DNAJB13: variants seen among roughly 807,000 people sequenced by gnomAD.
The protein encoded by DNAJB13 is dnaJ homolog subfamily B member 13.
DNAJB13 carries 22 observed loss-of-function variants against 35.6 expected under a neutral mutation model. That is an observed-to-expected ratio of 0.62 (90% CI 0.44 to 0.88). The LOEUF (loss-of-function observed/expected upper bound fraction) is 0.88, where lower values mean the gene tolerates loss of function less well. Ranked by LOEUF, DNAJB13 falls within the 40% of genes least tolerant of loss-of-function variation. The pLI is 0.00. For synonymous variants in DNAJB13, 136 were observed against 144.2 expected, an observed-to-expected ratio of 0.94 and a Z score of 0.41; for missense variants, 370 against 384.3, an observed-to-expected ratio of 0.96 and a Z score of 0.31.
intron 2 of DNAJB13, among the ~76,000 whole-genome samples, 154 bp downstream of exon 2, chr11:73,958,574 C>T (rs941208498): frequency 3.3e-5 from 5 of 152,208 alleles, no homozygotes; most frequent in African/African-American, 9.7e-5. Flanking sequence ...ACGGACCCGC[C>T]TTTCTCAGTA....
chr11:73,959,594 C>G lies in DNAJB13; in HGVS notation c.273C>G (p.Val91=). The change falls in exon 3 of 8, where the codon GTC becomes GTG. Residue 91 remains valine, a synonymous_variant. Transcript: ENST00000339764. ...AGACCCCATGGACAACTGGTTACGT[C>G]TTCCATGGCAAACCTGAAAAGGTGT... ...GSQTPWTTGY[V]FHGKPEKVFH... is the part of the protein sequence containing the mutation. 6.2e-7 allele frequency: 1 copy of G among 1,614,204 alleles called. No homozygotes were observed. Among genetic ancestry groups the G allele is most frequent in the Non-Finnish European group, 8.5e-7 (1 of 1,180,034 alleles).
At chr11:73,962,599 C>T (rs1950965578) in intron 3 of DNAJB13, among the ~76,000 whole-genome samples, 1 of 152,160 alleles carries the variant, frequency 6.6e-6, no homozygotes. Context: ...AAAAGACCTT[C>T]ACACCTGACT....
chr11:73,951,895 C>G (rs1950595444), intron 1 of DNAJB13, among the ~76,000 whole-genome samples: 4 of 152,192 alleles, frequency 2.6e-5, no homozygotes, highest in Admixed American at 2.6e-4. Flanking sequence ...ATCCACCCGC[C>G]TCAGCCTTCC....
intron 1 of DNAJB13, 143 bp from the exon 2 acceptor site, chr11:73,958,174 T>G: frequency 1.3e-6 from 1 of 756,158 alleles, no homozygotes; most frequent in Non-Finnish European, 2.2e-6. Flanking sequence ...AGCTGAGCAG[T>G]GCACCTCCGC....
At chr11:73,958,632 C>G (rs552505276) in intron 2 of DNAJB13, among the ~76,000 whole-genome samples, 10 of 152,362 alleles carry the variant, frequency 6.6e-5, no homozygotes, top group Admixed American at 4.6e-4. Flanking sequence ...CAGGATTACA[C>G]TGACTCGCTC....
chr11:73,962,084 T>A (rs898453324), intron 3 of DNAJB13, among the ~76,000 whole-genome samples: 1 of 152,204 alleles, frequency 6.6e-6, no homozygotes, highest in African/African-American at 2.4e-5. Context: ...TGAGCCACCA[T>A]GCCAGGTCTA....
intron 3 of DNAJB13, chr11:73,964,592 G>A (rs375830309): frequency 1.6e-5 from 6 of 367,020 alleles, no homozygotes; most frequent in South Asian, 1.2e-4. Flanking sequence ...GGGCGGGGTG[G>A]GGGGGGAATG....
chr11:73,958,488 T>C (rs1717346463), intron 2 of DNAJB13, 68 bp downstream of exon 2: 2 of 1,417,706 alleles, frequency 1.4e-6, no homozygotes. Context: ...GACTGTTGGG[T>C]TTTCTGAGGG....
At chr11:73,958,689 C>T (rs1950832086) in intron 2 of DNAJB13, among the ~76,000 whole-genome samples, 1 of 152,218 alleles carries the variant, frequency 6.6e-6, no homozygotes, top group Non-Finnish European at 1.5e-5. Context: ...CCACGCATCC[C>T]TATGCCCTGC....
intron 1 of DNAJB13, among the ~76,000 whole-genome samples, chr11:73,954,463 T>C (rs995345882): frequency 6.6e-6 from 1 of 150,978 alleles, no homozygotes; most frequent in Non-Finnish European, 1.5e-5. Flanking sequence ...ACCCCGTCTC[T>C]ACTAAAAATA....
intron 3 of DNAJB13, 69 bp downstream of exon 3, chr11:73,959,724 A>G: frequency 7.2e-7 from 1 of 1,392,480 alleles, no homozygotes; most frequent in Non-Finnish European, 9.5e-7. Flanking sequence ...GTTTTCGTTG[A>G]GTAGTTTTGT....
chr11:73,967,962 G>T, intron 5 of DNAJB13: 1 of 351,280 alleles, frequency 2.8e-6, no homozygotes, highest in Non-Finnish European at 5.1e-6. Flanking sequence ...CCTCAGCAGA[G>T]TTTTGGTGAC....
At chr11:73,969,067 C>A (rs1264359310) in intron 6 of DNAJB13, among the ~76,000 whole-genome samples, 179 bp from the exon 7 acceptor site, 2 of 151,904 alleles carry the variant, frequency 1.3e-5, no homozygotes, top group Non-Finnish European at 1.5e-5. Flanking sequence ...CCAGATCCAT[C>A]CATCTTTCCT....
intron 3 of DNAJB13, 113 bp from the exon 4 acceptor site, chr11:73,964,765 C>CTGTGTGTGTG (rs3222042): frequency 6.2e-4 from 410 of 659,572 alleles, no homozygotes; most frequent in East Asian, 4.2e-3. Flanking sequence ...GATAGGGAGG[C>CTGTGTGTGTG]TGTGTGTGTG....
At chr11:73,952,201 A>G (rs1950603713) in intron 1 of DNAJB13, among the ~76,000 whole-genome samples, 1 of 152,166 alleles carries the variant, frequency 6.6e-6, no homozygotes, top group African/African-American at 2.4e-5. Context: ...ACCCTTTAGG[A>G]GGCTGTTCGT....
At chr11:73,952,457 T>C (rs1366461487) in intron 1 of DNAJB13, among the ~76,000 whole-genome samples, 1 of 152,170 alleles carries the variant, frequency 6.6e-6, no homozygotes. Flanking sequence ...TAGTAAATGG[T>C]GGAGCCAGTG....
intron 1 of DNAJB13, among the ~76,000 whole-genome samples, chr11:73,956,922 G>A (rs1950760843): frequency 6.6e-6 from 1 of 152,132 alleles, no homozygotes; most frequent in Non-Finnish European, 1.5e-5. Context: ...GTCTGGTTCG[G>A]GATGGAGATT....
At chr11:73,962,912 G>A (rs557703183) in intron 3 of DNAJB13, among the ~76,000 whole-genome samples, 6 of 152,282 alleles carry the variant, frequency 3.9e-5, no homozygotes, top group Non-Finnish European at 5.9e-5. Flanking sequence ...TTTGTGAACC[G>A]TGTGATCCTG....
Position 73,964,907 on chromosome 11 carries a change from G to C in DNAJB13, c.364G>C (p.Asp122His), listed in dbSNP as rs749830793. The change falls in exon 4 of 8, where the codon GAT becomes CAT. Residue 122 changes from aspartate (D) to histidine (H), a missense_variant. Coordinates refer to ENST00000339764, the MANE Select transcript of DNAJB13 (RefSeq NM_153614.4). ...EFFDAEGSEVDLNFGGLQGRG... is the reference protein window; with the variant it reads ...EFFDAEGSEVHLNFGGLQGRG... ...TTTTGATGCAGAAGGAAGTGAGGTA[G>C]ATTTGAACTTTGGGGGGCTCCAGGG... 6.2e-7 allele frequency: 1 copy of C among 1,613,634 alleles called. No homozygotes were observed.
Sources: allele counts gnomAD v4.1 joint callset (sites outside exome capture counted in the v4.1 genomes callset), GRCh38; gene constraint gnomAD v4.1.1; transcripts MANE v1.5; gene names NCBI Gene and HGNC (gene_info 2026-07-23, HGNC 2026-07-21).